Variants in ZNF124 observed in about 807,000 individuals in gnomAD.
The protein encoded by ZNF124 is zinc finger protein 124, also known as zinc finger protein HZF-16.
In ZNF124, 25 loss-of-function variants were observed where a neutral mutation model predicts 26.6. The observed-to-expected ratio is 0.94, with a 90% CI of 0.68 to 1.31. The LOEUF (loss-of-function observed/expected upper bound fraction) is 1.31, where lower values mean the gene tolerates loss of function less well. Among genes scored for constraint, ZNF124 ranks in the 40% most tolerant of loss-of-function variants. The pLI is 0.00. For synonymous variants in ZNF124, 129 were observed against 133.3 expected, an observed-to-expected ratio of 0.97 and a Z score of 0.22; for missense variants, 444 against 422.2, an observed-to-expected ratio of 1.05 and a Z score of -0.45.
chr1:247,159,976 GTTCTTTTTTTTTT>G (rs1354504781), intron 1 of ZNF124, 163 bp from the exon 2 acceptor site: 22 of 247,176 alleles, frequency 8.9e-5, no homozygotes, highest in Non-Finnish European at 1.5e-4. Context: ...CCACATAGCA[GTTCTTTTTTTTTT>G]TTTTTTTTTT....
rs1673177870 is a variant in ZNF124, at chr1:247,156,983, T to C, written c.639A>G (p.Lys213=). The stretch of plus-strand genomic sequence containing the variant: ...GAAGGCAATTGGAGTAACGGAAGGC[T>C]TTCCCACAGTGCTTACATTCATAGG... ...EKPYECKHCG[K]AFRYSNCLHY... is the part of the protein sequence containing the mutation. Residue 213 remains lysine, a synonymous_variant, in exon 4 of 4, where the codon AAA becomes AAG. Transcript: ENST00000543802. 6.2e-7 allele frequency: 1 copy of C among 1,613,352 alleles called. No homozygotes were observed.
intron 3 of ZNF124, among the ~76,000 whole-genome samples, chr1:247,136,293 A>G: frequency 6.6e-6 from 1 of 152,238 alleles, no homozygotes; most frequent in Non-Finnish European, 1.5e-5. Flanking sequence ...AAGCAACTTC[A>G]GCAAAGTCTC....
rs758291654 is a variant in ZNF124 at position 247,156,826 on chromosome 1, G to A, written c.796C>T (p.Gln266Ter). ...GCGTATCTGAAGGCTTTCCCACATT[G>A]CTTACATGGATAGGGTTCTTCACCA... ...HAGEEPYPCK[Q>*]CGKAFRYASS... The change falls in exon 4 of 4, where the codon CAA (glutamine) becomes TAA (stop). Residue 266 changes from glutamine (Q) to a stop codon, truncating the protein, a stop_gained. Coordinates refer to ENST00000543802, the MANE Select transcript of ZNF124 (RefSeq NM_001297568.2). LOFTEE classifies it high-confidence loss of function. 3 of 1,613,944 alleles carry A rather than the reference G, an allele frequency of 1.9e-6. No homozygotes were observed. In the African/African-American group the frequency reaches 4.0e-5, roughly 22 times the overall value.
chr1:247,130,542 A>G (rs1672326098), intron 3 of ZNF124, among the ~76,000 whole-genome samples: 1 of 152,224 alleles, frequency 6.6e-6, no homozygotes, highest in African/African-American at 2.4e-5. Flanking sequence ...TTTAATGGCA[A>G]ATCTGTGGGT....
intron 3 of ZNF124, among the ~76,000 whole-genome samples, chr1:247,132,966 C>T (rs896292261): frequency 6.6e-6 from 1 of 152,210 alleles, no homozygotes; most frequent in Non-Finnish European, 1.5e-5. Context: ...CTCCTTCCCT[C>T]TTTAACCCGG....
rs934015861 is a variant in ZNF124, at chr1:247,168,561, T to A, written c.30+3287A>T. On this transcript the variant is annotated intron_variant, in intron 1 of 3. Transcript: ENST00000543802. The surrounding 1 kb of genome is among the most constrained non-coding windows in gnomAD (Gnocchi z 4.0). ...TTAAAAAACAAACAAACAAAAACAC[T>A]TGCACACGCATGTTAACAGTAGCAC... Among the ~76,000 whole-genome samples the A allele has an allele frequency of 6.6e-6, 1 of 151,858 alleles. No individual in the cohort carries two copies. The highest frequency in any genetic ancestry group is 2.4e-5 in the African/African-American group (1 of 41,298).
At chr1:247,138,989 C>A (rs752986374) in intron 3 of ZNF124, among the ~76,000 whole-genome samples, 1 of 152,170 alleles carries the variant, frequency 6.6e-6, no homozygotes, top group Admixed American at 6.5e-5. Flanking sequence ...TCTTATCTAC[C>A]GATGACCTGA....
At chr1:247,123,249 T>A (rs995537108) in exon 4 of ZNF124, 1 of 151,904 alleles carries the variant, frequency 6.6e-6, no homozygotes, top group Non-Finnish European at 1.5e-5. Flanking sequence ...CAGGCTGGAG[T>A]ACAGTGGCGC....
intron 3 of ZNF124, among the ~76,000 whole-genome samples, chr1:247,125,960 T>C (rs1672208400): frequency 7.1e-6 from 1 of 140,478 alleles, no homozygotes; most frequent in African/African-American, 2.8e-5. Flanking sequence ...TGTATTCATA[T>C]AAAATTCTAG....
intron 3 of ZNF124, among the ~76,000 whole-genome samples, chr1:247,148,151 A>C (rs1011684284): frequency 6.6e-6 from 1 of 152,238 alleles, no homozygotes; most frequent in African/African-American, 2.4e-5. Context: ...TAGGAGAATG[A>C]ACATATGAGC....
chr1:247,128,639 C>A (rs538478452), intron 3 of ZNF124, among the ~76,000 whole-genome samples: 2 of 151,396 alleles, frequency 1.3e-5, no homozygotes, highest in South Asian at 4.2e-4. Context: ...TTTCTCTTAC[C>A]CCCGTTATCA....
intron 3 of ZNF124, among the ~76,000 whole-genome samples, chr1:247,137,506 A>G (rs1190213130): frequency 1.3e-5 from 2 of 148,442 alleles, no homozygotes; most frequent in South Asian, 2.1e-4. Context: ...AAAAAAAAAA[A>G]AAAAGAAAGA....
chr1:247,135,413 T>G (rs536950092), intron 3 of ZNF124, among the ~76,000 whole-genome samples: 1 of 152,080 alleles, frequency 6.6e-6, no homozygotes, highest in African/African-American at 2.4e-5. Flanking sequence ...AAACACTCAA[T>G]GCAAATAAAC....
chr1:247,149,888 G>T (rs1672882358), intron 3 of ZNF124: 1 of 152,298 alleles, frequency 6.6e-6, no homozygotes, highest in Non-Finnish European at 1.5e-5. Flanking sequence ...GCAAAATCAA[G>T]CCATTGGCAG....
chr1:247,139,010 C>T (rs1572063365), intron 3 of ZNF124, among the ~76,000 whole-genome samples: 1 of 152,224 alleles, frequency 6.6e-6, no homozygotes, highest in East Asian at 1.9e-4. Flanking sequence ...AAGCTCCCTC[C>T]CGACTTCAAG....
intron 1 of ZNF124, among the ~76,000 whole-genome samples, chr1:247,170,025 C>T (rs911711472): frequency 9.1e-6 from 1 of 110,172 alleles, no homozygotes; most frequent in Admixed American, 1.0e-4. Flanking sequence ...CCAGTGTGGG[C>T]ACATTAGGTC....
chr1:247,155,840 G>A lies in ZNF124; in HGVS notation c.*726C>T, dbSNP rs560606673. 167 of 746,988 alleles carry A rather than the reference G, an allele frequency of 2.2e-4. No homozygotes were observed. The African/African-American group carries it at 2.3e-3, about 10-fold the overall frequency. The allele number at this position is 746,988 out of a possible 1,614,324, so 46.3% of individuals were successfully genotyped here. ...TGTGCCACTGCACACCAGCCTGGGC[G>A]ACAAAGTGAGACTCCATCTCAAAAA... On this transcript the variant is annotated 3_prime_UTR_variant, in exon 4 of 4. Transcript: ENST00000543802.
chr1:247,130,815 C>T (rs1167504119), intron 3 of ZNF124, among the ~76,000 whole-genome samples: 14 of 152,168 alleles, frequency 9.2e-5, no homozygotes, highest in Non-Finnish European at 1.3e-4. Context: ...CGGTGGCTCA[C>T]GCCTGTAATC....
Position 247,157,079 on chromosome 1 carries a change from C to G in ZNF124, c.543G>C (p.Lys181Asn), listed in dbSNP as rs777674376. The change falls in exon 4 of 4, where the codon AAG becomes AAC. Residue 181 changes from lysine to asparagine, a missense_variant. By Grantham distance (94) the Lys-to-Asn change is moderately conservative. Coordinates refer to ENST00000543802, the MANE Select transcript of ZNF124 (RefSeq NM_001297568.2). ...AACGACTGAAGGCTTTCCCACATTG[C>G]TTACATTCATAGCGTTTTTCTCCAG... Reference protein sequence around the residue: ...IHTGEKRYECKQCGKAFSRSS... With the variant: ...IHTGEKRYECNQCGKAFSRSS... The G allele has an allele frequency of 6.2e-7, 1 of 1,614,096 alleles. No homozygotes were observed. Among genetic ancestry groups the G allele is most frequent in the Admixed American group, 1.7e-5 (1 of 60,012 alleles).
Sources: gnomAD v4.1 joint callset for allele counts (sites outside exome capture counted in the v4.1 genomes callset) on GRCh38, gnomAD v4.1.1 for gene constraint, Gnocchi (gnomAD v3.1) non-coding constraint, MANE v1.5 for transcripts, NCBI Gene and HGNC (gene_info 2026-07-23, HGNC 2026-07-21) for gene names.